Variants in PRKN observed in about 807,000 individuals in gnomAD.
PRKN encodes the protein E3 ubiquitin-protein ligase parkin.
A neutral mutation model predicts 59.5 loss-of-function variants in PRKN; 56 were observed. The observed-to-expected ratio is 0.94, with a 90% CI of 0.76 to 1.18. The LOEUF (loss-of-function observed/expected upper bound fraction) is 1.18, where lower values mean the gene tolerates loss of function less well. PRKN is among the 50% of genes most tolerant of loss of function. The probability of loss-of-function intolerance (pLI) is 0.00; values close to 1 mark genes in which losing one functional copy is unlikely to be tolerated. For synonymous variants in PRKN, 250 were observed against 222.1 expected, an observed-to-expected ratio of 1.13 and a Z score of -1.12; for missense variants, 657 against 596.4, an observed-to-expected ratio of 1.10 and a Z score of -1.06.
chr6:162,277,773 C>T (rs767116625), intron 2 of PRKN, among the ~76,000 whole-genome samples: 1 of 152,180 alleles, frequency 6.6e-6, no homozygotes, highest in Non-Finnish European at 1.5e-5. Flanking sequence ...ACAAAGGCAA[C>T]ACCAAATACT....
At chr6:161,710,788 C>A (rs1420823795) in intron 7 of PRKN, among the ~76,000 whole-genome samples, 5 of 151,860 alleles carry the variant, frequency 3.3e-5, no homozygotes, top group African/African-American at 1.2e-4. Context: ...TTCCTTCCTT[C>A]TTTTCTTTCT....
intron 7 of PRKN, among the ~76,000 whole-genome samples, chr6:161,679,008 G>C (rs1454397249): frequency 1.3e-5 from 2 of 152,108 alleles, no homozygotes; most frequent in South Asian, 4.1e-4. Flanking sequence ...ACACACACAC[G>C]CACATGCATG....
In PRKN at chr6:161,444,951, C is replaced by G. The variant is rs1001409053; in HGVS notation, c.1084-58074G>C. 1.2e-4 allele frequency among the ~76,000 whole-genome samples: 19 copies of G among 152,094 alleles called. No individual in the cohort carries two copies. Among genetic ancestry groups the G allele is most frequent in the Admixed American group, 1.2e-3 (18 of 15,266 alleles). On this transcript the variant is annotated intron_variant, in intron 9 of 11. Coordinates refer to ENST00000366898, the MANE Select transcript of PRKN (RefSeq NM_004562.3). The surrounding 1 kb of genome is among the most constrained non-coding windows in gnomAD (Gnocchi z 5.6). ...TCTCCAGTCTTCATTTTCATTTATC[C>G]TTAGCATGGTCTTTTCTAAAAAGGG...
chr6:162,367,232 T>G (rs191102967), intron 2 of PRKN, among the ~76,000 whole-genome samples: 1 of 152,278 alleles, frequency 6.6e-6, no homozygotes, highest in Non-Finnish European at 1.5e-5. Context: ...CCTTCCACCA[T>G]GATTGTAAGT....
intron 2 of PRKN, among the ~76,000 whole-genome samples, chr6:162,278,507 T>C (rs1442296261): frequency 2.0e-5 from 3 of 151,954 alleles, no homozygotes; most frequent in Non-Finnish European, 4.4e-5. Flanking sequence ...GTGGGGGATG[T>C]TGATAATGGA....
In PRKN at chr6:161,461,468, G is replaced by GGGGAATACA. The variant is rs1790220476; in HGVS notation, c.1084-74600_1084-74592dup. Among the ~76,000 whole-genome samples, 1 of 152,108 alleles carries GGGGAATACA rather than the reference G, an allele frequency of 6.6e-6. No individual in the cohort carries two copies. Among genetic ancestry groups the GGGGAATACA allele is most frequent in the Non-Finnish European group, 1.5e-5 (1 of 68,030 alleles). On this transcript the variant is annotated intron_variant, in intron 9 of 11. Transcript: ENST00000366898. This position sits in a 1 kb window ranked among gnomAD's most constrained non-coding sequence, Gnocchi z 5.1. ...ATGGGGATAAAGGATGGATTACTAG[G>GGGGAATACA]GGGAATACACTCAAGGCAGGAAGAG...
At chr6:162,082,944 A>C (rs1481891657) in intron 4 of PRKN, among the ~76,000 whole-genome samples, 1 of 151,944 alleles carries the variant, frequency 6.6e-6, no homozygotes, top group Non-Finnish European at 1.5e-5. Flanking sequence ...CATACCCTAA[A>C]ATTATTAGAA....
At chr6:162,091,701 C>A (rs1483874269) in intron 4 of PRKN, among the ~76,000 whole-genome samples, 1 of 152,098 alleles carries the variant, frequency 6.6e-6, no homozygotes, top group Non-Finnish European at 1.5e-5. Context: ...CTGCCTCCAC[C>A]ATATTGTGTA....
At chr6:162,072,367 A>G (rs1778615753) in intron 4 of PRKN, among the ~76,000 whole-genome samples, 1 of 152,170 alleles carries the variant, frequency 6.6e-6, no homozygotes, top group African/African-American at 2.4e-5. Flanking sequence ...GACTTCTGAG[A>G]GAGCTGGGTT....
At chr6:162,221,906 AG>A (rs1777949915) in intron 3 of PRKN, among the ~76,000 whole-genome samples, 2 of 152,340 alleles carry the variant, frequency 1.3e-5, no homozygotes, top group South Asian at 4.1e-4. Flanking sequence ...AGAACATTAA[AG>A]GTATAGAGAA....
At chr6:162,062,230 A>G (rs1324890719) in intron 4 of PRKN, among the ~76,000 whole-genome samples, 2 of 152,182 alleles carry the variant, frequency 1.3e-5, no homozygotes, top group East Asian at 1.9e-4. Context: ...GTGGATGACC[A>G]CTCAAGAATA....
At chr6:162,576,839 A>G in intron 1 of PRKN, among the ~76,000 whole-genome samples, 1 of 149,668 alleles carries the variant, frequency 6.7e-6, no homozygotes, top group East Asian at 2.0e-4. Flanking sequence ...AAAAGGGACT[A>G]CTTATTGTAC....
At chr6:161,650,058 C>G (rs959943981) in intron 7 of PRKN, among the ~76,000 whole-genome samples, 2 of 152,154 alleles carry the variant, frequency 1.3e-5, no homozygotes, top group African/African-American at 2.4e-5. Flanking sequence ...ACTGTGATGA[C>G]GCCCAGATCA....
intron 3 of PRKN, among the ~76,000 whole-genome samples, chr6:162,249,623 A>T (rs1779342003): frequency 6.6e-6 from 1 of 152,182 alleles, no homozygotes; most frequent in Admixed American, 6.6e-5. Context: ...AAGAAAAGCA[A>T]ATAATAAAGG....
intron 1 of PRKN, among the ~76,000 whole-genome samples, chr6:162,457,132 C>G (rs1428558715): frequency 6.6e-6 from 1 of 152,098 alleles, no homozygotes; most frequent in Non-Finnish European, 1.5e-5. Context: ...TTAAAAGCTT[C>G]CAGTACTGAT....
intron 2 of PRKN, among the ~76,000 whole-genome samples, chr6:162,370,287 T>G (rs1435618963): frequency 6.6e-6 from 1 of 152,162 alleles, no homozygotes; most frequent in Non-Finnish European, 1.5e-5. Flanking sequence ...CATGGAGATA[T>G]ATCTCATTGA....
chr6:161,823,179 C>T lies in PRKN; in HGVS notation c.735-37271G>A, dbSNP rs1355399340. On this transcript the variant is annotated intron_variant, in intron 6 of 11. Transcript: ENST00000366898. Reference sequence around the variant, plus strand: ...CTCAAACCCCTGGGCTCAAGTGATCCCTCTGCCTTGTTCCCCCAAAGTATT... The same window carrying T: ...CTCAAACCCCTGGGCTCAAGTGATCTCTCTGCCTTGTTCCCCCAAAGTATT... Among the ~76,000 whole-genome samples, 3 of 151,800 alleles carry T rather than the reference C, an allele frequency of 2.0e-5. No individual in the cohort carries two copies. The East Asian group carries it at 5.8e-4, about 29-fold the overall frequency.
rs576356434 is a variant in PRKN, at chr6:162,097,083, G to T, written c.535-42909C>A. 2.3e-3 allele frequency among the ~76,000 whole-genome samples: 343 copies of T among 152,002 alleles called. 1 individual carries two copies. The highest frequency in any genetic ancestry group is 4.0e-3 in the Non-Finnish European group (271 of 67,996). On this transcript the variant is annotated intron_variant, in intron 4 of 11. Coordinates refer to ENST00000366898, the MANE Select transcript of PRKN (RefSeq NM_004562.3). Reference sequence around the variant, plus strand: ...AGTAGAGACAGAGTTTCACCATGTTGGTCAGGCTGGTCTTGAACTCCTGAC... The same window carrying T: ...AGTAGAGACAGAGTTTCACCATGTTTGTCAGGCTGGTCTTGAACTCCTGAC...
At chr6:161,887,017 G>A (rs1289394213) in intron 6 of PRKN, among the ~76,000 whole-genome samples, 2 of 152,104 alleles carry the variant, frequency 1.3e-5, no homozygotes, top group South Asian at 2.1e-4. Context: ...GCAAATGTTA[G>A]AACAAATACA....
Sources: gnomAD v4.1 joint callset for allele counts (sites outside exome capture counted in the v4.1 genomes callset) on GRCh38, gnomAD v4.1.1 for gene constraint, Gnocchi (gnomAD v3.1) non-coding constraint, MANE v1.5 for transcripts, NCBI Gene and HGNC (gene_info 2026-07-23, HGNC 2026-07-21) for gene names.